VCPKMT: variants seen among roughly 807,000 people sequenced by gnomAD.
VCPKMT encodes protein N-lysine methyltransferase METTL21D.
VCPKMT carries 32 observed loss-of-function variants against 28.6 expected under a neutral mutation model. The ratio of observed to expected loss-of-function variants is 1.12; its 90% CI spans 0.84 to 1.50. VCPKMT has a LOEUF of 1.50. VCPKMT is among the 40% of genes most tolerant of loss of function. The probability of loss-of-function intolerance (pLI) is 0.00; values close to 1 mark genes in which losing one functional copy is unlikely to be tolerated. For synonymous variants in VCPKMT, 138 were observed against 111.4 expected, an observed-to-expected ratio of 1.24 and a Z score of -1.50; for missense variants, 366 against 285.0, an observed-to-expected ratio of 1.28 and a Z score of -2.05.
intron 2 of VCPKMT, 66 bp from the exon 3 acceptor site, chr14:50,115,977 A>G (rs1883149534): frequency 1.3e-6 from 2 of 1,597,746 alleles, no homozygotes; most frequent in African/African-American, 1.3e-5. Context: ...TTTATAAAGA[A>G]CCGGAAAGTC....
chr14:50,115,982 A>C (rs1883150496), intron 2 of VCPKMT, 71 bp from the exon 3 acceptor site: 2 of 1,597,874 alleles, frequency 1.3e-6, no homozygotes, highest in Non-Finnish European at 8.6e-7. Context: ...AAAGAACCGG[A>C]AAGTCCCCTT....
downstream of VCPKMT, among the ~76,000 whole-genome samples, chr14:50,107,050 CTTG>C (rs1349055857): frequency 1.5e-4 from 23 of 152,340 alleles, no homozygotes; most frequent in Non-Finnish European, 7.3e-5. Context: ...GCAGGTACAA[CTTG>C]TTATCTCTCC....
rs1452278028 is a variant in VCPKMT, at chr14:50,116,489, TC to T, written c.63del (p.Lys22SerfsTer45). 1 of 1,613,752 alleles carries T rather than the reference TC, an allele frequency of 6.2e-7. No homozygotes were observed. Among genetic ancestry groups the T allele is most frequent in the East Asian group, 2.2e-5 (1 of 44,860 alleles). ...AGTCGTAGCACTGTACCATCCCGCTTCTCCAAAACTCGCACAAAGCTCCGCA... is the reference window on the plus strand; with the variant it reads ...AGTCGTAGCACTGTACCATCCCGCTTTCCAAAACTCGCACAAAGCTCCGCA... Reference protein sequence around the residue: ...DPLRSFVRVLEKRDGTVLRLQ... With the variant: ...DPLRSFVRVLXKRDGTVLRLQ... On this transcript the variant is annotated frameshift_variant, in exon 1 of 6. Coordinates refer to ENST00000395860, the MANE Select transcript of VCPKMT (RefSeq NM_024558.3). LOFTEE classifies it high-confidence loss of function.
chr14:50,103,173 C>A, the VCPKMT span, among the ~76,000 whole-genome samples: 1 of 152,224 alleles, frequency 6.6e-6, no homozygotes, highest in East Asian at 1.9e-4. Flanking sequence ...AGCCTATGTG[C>A]CACTTTACAC....
intron 5 of VCPKMT, among the ~76,000 whole-genome samples, chr14:50,110,113 G>C (rs1882539503): frequency 6.6e-6 from 1 of 152,092 alleles, no homozygotes; most frequent in Non-Finnish European, 1.5e-5. Flanking sequence ...TGGGCGTCGT[G>C]GCACATGCCT....
Position 50,115,891 on chromosome 14 carries a change from A to T in VCPKMT, c.398T>A (p.Phe133Tyr), listed in dbSNP as rs775901444. ...CAGTATGAAGTCGGGTGGAGAAGGAAAGCCTTCTATTTCTTCCCCCCTTAA... is the reference window on the plus strand; with the variant it reads ...CAGTATGAAGTCGGGTGGAGAAGGATAGCCTTCTATTTCTTCCCCCCTTAA... ...VLKWGEEIEG[F>Y]PSPPDFILMA... The change falls in exon 3 of 6, where the codon TTT becomes TAT. Residue 133 changes from phenylalanine (F) to tyrosine (Y), a missense_variant. Phe to Tyr is a conservative substitution (Grantham distance 22). Coordinates refer to ENST00000395860, the MANE Select transcript of VCPKMT (RefSeq NM_024558.3). 1.9e-6 allele frequency: 3 copies of T among 1,613,412 alleles called. No individual in the cohort carries two copies. In the African/African-American group the frequency reaches 4.0e-5, roughly 22 times the overall value.
chr14:50,105,621 A>ATT (rs1882291994), downstream of VCPKMT, among the ~76,000 whole-genome samples: 4 of 152,224 alleles, frequency 2.6e-5, no homozygotes, highest in Admixed American at 6.5e-5. Context: ...ACAGAGTGAG[A>ATT]GTCCGTCTCG....
Position 50,116,421 on chromosome 14 carries a change from G to A in VCPKMT, c.132C>T (p.Asp44=), listed in dbSNP as rs773121740. 12 of 1,613,884 alleles carry A rather than the reference G, an allele frequency of 7.4e-6. No homozygotes were observed. The highest frequency in any genetic ancestry group is 9.3e-6 in the Non-Finnish European group (11 of 1,179,954). The part of the protein sequence containing the change: ...SSGGVGCVVW[D]AAIVLSKYLE... ...GGTATTTAGAAAGGACAATGGCAGC[G>A]TCCCACACAACGCAACCCACGCCAC... Residue 44 remains aspartate, a synonymous_variant, in exon 1 of 6, where the codon GAC becomes GAT. Transcript: ENST00000395860.
At chr14:50,115,127 A>T (rs1211978452) in intron 3 of VCPKMT, among the ~76,000 whole-genome samples, 1 of 151,390 alleles carries the variant, frequency 6.6e-6, no homozygotes, top group Non-Finnish European at 1.5e-5. Context: ...CGATGCCCAC[A>T]ACACTATACA....
chr14:50,106,594 T>C (rs1463157597), downstream of VCPKMT: 1 of 985,204 alleles, frequency 1.0e-6, no homozygotes, highest in African/African-American at 1.7e-5. Flanking sequence ...ACTCCTCTAA[T>C]TCTGTCTCCA....
intron 3 of VCPKMT, among the ~76,000 whole-genome samples, chr14:50,115,052 C>T (rs1052155150): frequency 1.3e-5 from 2 of 151,558 alleles, no homozygotes; most frequent in Non-Finnish European, 2.9e-5. Flanking sequence ...AAATAATCAA[C>T]GATTTCCCTA....
intron 1 of VCPKMT, 36 bp from the exon 2 acceptor site, chr14:50,116,215 G>C (rs770228504): frequency 6.2e-7 from 1 of 1,613,016 alleles, no homozygotes; most frequent in Admixed American, 1.7e-5. Context: ...TAGGCACAGG[G>C]GGGAAAGCCT....
At chr14:50,104,509 A>T (rs184974445), downstream of VCPKMT, among the ~76,000 whole-genome samples, 460 of 152,310 alleles carry the variant, frequency 3.0e-3, 2 homozygotes, top group Admixed American at 4.6e-3. Flanking sequence ...TCTTTATGGT[A>T]TGAAAACTGA....
chr14:50,105,720 T>C (rs143515687), downstream of VCPKMT, among the ~76,000 whole-genome samples: 50 of 152,324 alleles, frequency 3.3e-4, no homozygotes, highest in African/African-American at 1.2e-3. Flanking sequence ...CTGTGGCAGA[T>C]TAAAATGCAA....
chr14:50,115,502 A>G (rs1883079961), intron 3 of VCPKMT, among the ~76,000 whole-genome samples: 2 of 152,230 alleles, frequency 1.3e-5, no homozygotes, highest in Non-Finnish European at 2.9e-5. Context: ...CTTAATTCTC[A>G]ATGTCATGGT....
At chr14:50,113,007 C>T (rs1338366657) in intron 4 of VCPKMT, among the ~76,000 whole-genome samples, 4 of 152,212 alleles carry the variant, frequency 2.6e-5, no homozygotes, top group South Asian at 2.1e-4. Flanking sequence ...AGGCTGGTCT[C>T]GAACTCCTGA....
At chr14:50,110,553 G>C (rs1441332405) in intron 5 of VCPKMT, among the ~76,000 whole-genome samples, 2 of 152,168 alleles carry the variant, frequency 1.3e-5, no homozygotes, top group Non-Finnish European at 2.9e-5. Context: ...ACAAATGTTG[G>C]TAAAAATGTG....
rs753471620 is a variant in VCPKMT at position 50,115,898 on chromosome 14, C to G, written c.391G>C (p.Glu131Gln). 2 of 1,613,388 alleles carry G rather than the reference C, an allele frequency of 1.2e-6. No homozygotes were observed. The highest frequency in any genetic ancestry group is 2.7e-5 in the African/African-American group (2 of 74,930). ...AAGTCGGGTGGAGAAGGAAAGCCTT[C>G]TATTTCTTCCCCCCTTAAAAATGCC... ...AKVLKWGEEI[E>Q]GFPSPPDFIL... is the part of the protein sequence containing the mutation. Residue 131 changes from glutamate to glutamine, a missense_variant, in exon 3 of 6, where the codon GAA (glutamate) becomes CAA (glutamine). Coordinates refer to ENST00000395860, the MANE Select transcript of VCPKMT (RefSeq NM_024558.3).
rs763474872 is a variant in VCPKMT, at chr14:50,116,529, C to G, written c.24G>C (p.Ser8=). 6 of 1,612,518 alleles carry G rather than the reference C, an allele frequency of 3.7e-6. No individual in the cohort carries two copies. Among genetic ancestry groups the G allele is most frequent in the South Asian group, 1.1e-5 (1 of 91,008 alleles). MADTLES[S]LEDPLRSFVR... ...CAAAGCTCCGCAGTGGGTCCTCCAG[C>G]GAGGACTCCAGCGTATCCGCCATTG... The change falls in exon 1 of 6, where the codon TCG becomes TCC. Residue 8 remains serine, a synonymous_variant. Transcript: ENST00000395860.
Sources: gnomAD v4.1 joint callset for allele counts (sites outside exome capture counted in the v4.1 genomes callset) on GRCh38, gnomAD v4.1.1 for gene constraint, MANE v1.5 for transcripts, NCBI Gene and HGNC (gene_info 2026-07-23, HGNC 2026-07-21) for gene names.